BTNL8: variants seen among roughly 807,000 people sequenced by gnomAD.
BTNL8 encodes the protein butyrophilin-like protein 8.
A neutral mutation model predicts 36.1 loss-of-function variants in BTNL8; 22 were observed. The ratio of observed to expected loss-of-function variants is 0.61; its 90% CI spans 0.44 to 0.87. BTNL8 has a LOEUF of 0.87. Among genes scored for constraint, BTNL8 ranks in the 40% least tolerant of loss-of-function variants. The probability of loss-of-function intolerance (pLI) is 0.00; values close to 1 mark genes in which losing one functional copy is unlikely to be tolerated. For synonymous variants in BTNL8, 203 were observed against 235.6 expected (o/e 0.86, Z 1.27); for missense variants, 526 against 616.9 (o/e 0.85, Z 1.56).
rs1331336290 is a variant in BTNL8, at chr5:180,948,893, TTTTTTGTTTTTG to T, written c.809-15_809-4del. 1.4e-6 allele frequency: 1 copy of T among 721,524 alleles called. No homozygotes were observed. The highest frequency in any genetic ancestry group is 2.2e-6 in the Non-Finnish European group (1 of 463,774). The allele number at this position is 721,524 out of a possible 1,614,324, so 44.7% of individuals were successfully genotyped here. On this transcript the variant is annotated splice_polypyrimidine_tract_variant and intron_variant, in intron 5 of 7. Transcript: ENST00000340184. ...CTCTGTGACGTCAGCCTCTTACATG[TTTTTTGTTTTTG>T]TTTTTGTTTTTCAGACTGGAGAAGA...
chr5:180,914,288 G>A (rs1312969678), intron 3 of BTNL8, among the ~76,000 whole-genome samples: 1 of 152,156 alleles, frequency 6.6e-6, no homozygotes, highest in African/African-American at 2.4e-5. Context: ...ATCGCCTTCA[G>A]GGGACACAGC....
intron 3 of BTNL8, among the ~76,000 whole-genome samples, chr5:180,938,607 G>A (rs553364122): frequency 1.3e-5 from 2 of 149,996 alleles, no homozygotes; most frequent in African/African-American, 2.5e-5. Flanking sequence ...GCACGATTTC[G>A]GCTCACTGCA....
intron 3 of BTNL8, among the ~76,000 whole-genome samples, chr5:180,914,389 T>C (rs1757532069): frequency 6.6e-6 from 1 of 152,208 alleles, no homozygotes; most frequent in African/African-American, 2.4e-5. Context: ...TCCAGAACTA[T>C]GAGAAATACA....
intron 3 of BTNL8, among the ~76,000 whole-genome samples, chr5:180,933,659 T>C (rs1043417739): frequency 2.0e-5 from 3 of 152,084 alleles, no homozygotes; most frequent in African/African-American, 7.2e-5. Context: ...GAGGGAAATT[T>C]ATAGCAATAG....
At chr5:180,928,687 TAAAC>T (rs978555552) in intron 3 of BTNL8, among the ~76,000 whole-genome samples, 4 of 152,248 alleles carry the variant, frequency 2.6e-5, no homozygotes, top group South Asian at 4.1e-4. Context: ...AAACAGACTT[TAAAC>T]AAACAAAGAT....
intron 1 of BTNL8, among the ~76,000 whole-genome samples, chr5:180,902,187 GTTT>G (rs34352831): frequency 6.6e-6 from 1 of 150,700 alleles, no homozygotes; most frequent in Non-Finnish European, 1.5e-5. Context: ...GGATGTTTGG[GTTT>G]TTTTTTTAAT....
chr5:180,948,080 G>A (rs962001716), intron 4 of BTNL8: 10 of 607,316 alleles, frequency 1.6e-5, no homozygotes, highest in Middle Eastern at 4.6e-4. Flanking sequence ...GGCCACCCCC[G>A]CCTCCCCTCC....
At chr5:180,949,768 G>A in intron 7 of BTNL8, 136 bp from the exon 8 acceptor site, 1 of 1,104,656 alleles carries the variant, frequency 9.1e-7, no homozygotes, top group South Asian at 1.4e-5. Context: ...GAAAGGCAGT[G>A]TCTGCGGGAG....
rs1379475555 is a variant in BTNL8, at chr5:180,949,080, G to A, written c.835+134G>A. 8 of 1,178,830 alleles carry A rather than the reference G, an allele frequency of 6.8e-6. 1 individual carries two copies. The highest frequency in any genetic ancestry group is 9.5e-6 in the Non-Finnish European group (8 of 842,540). The allele number at this position is 1,178,830 out of a possible 1,614,324, so 73.0% of individuals were successfully genotyped here. ...TGGGAACTCTGAAATTGCAGATTCTGGGGGAGGTGCATTTTGTAGAGAAGC... is the reference window on the plus strand; with the variant it reads ...TGGGAACTCTGAAATTGCAGATTCTAGGGGAGGTGCATTTTGTAGAGAAGC... On this transcript the variant is annotated intron_variant, in intron 6 of 7. Transcript: ENST00000340184.
rs777625541 is a variant in BTNL8, at chr5:180,950,580, T to C, written c.*36T>C. 12 of 1,450,300 alleles carry C rather than the reference T, an allele frequency of 8.3e-6. 1 individual carries two copies. The highest frequency in any genetic ancestry group is 9.5e-6 in the Non-Finnish European group (10 of 1,054,276). The allele number at this position is 1,450,300 out of a possible 1,614,324, so 89.8% of individuals were successfully genotyped here. A position where few individuals can be genotyped will look rare whatever the true frequency, so the allele number is the denominator to read the frequency against. ...ATCCCACATTCTTCTTTAGGGATAT[T>C]AAGGTCTCTCTCCCAGATCCAAAGT... is the stretch of plus-strand genomic sequence containing the variant. On this transcript the variant is annotated 3_prime_UTR_variant, in exon 8 of 8. Coordinates refer to ENST00000340184, the MANE Select transcript of BTNL8 (RefSeq NM_001040462.3).
chr5:180,932,527 T>G (rs1758442378), intron 3 of BTNL8, among the ~76,000 whole-genome samples: 1 of 152,064 alleles, frequency 6.6e-6, no homozygotes, highest in African/African-American at 2.4e-5. Flanking sequence ...TTTTTTGTAT[T>G]TTTAGTAGAG....
rs1475924619 is a variant in BTNL8, at chr5:180,911,402, G to C, written c.461G>C (p.Cys154Ser). Residue 154 changes from cysteine to serine, a missense_variant, in exon 3 of 8, where the codon TGT (cysteine) becomes TCT (serine). Around this residue, in one of 2 missense-constraint regions of BTNL8, gnomAD observed 350 missense variants for 324.6 expected, o/e 1.08. Coordinates refer to ENST00000340184, the MANE Select transcript of BTNL8 (RefSeq NM_001040462.3). ...GTTGATAGAGACATCCAGCTACTCT[G>C]TCAGTCCTCGGGCTGGTTCCCCCGG... ...GYVDRDIQLL[C>S]QSSGWFPRPT... The C allele has an allele frequency of 6.2e-7, 1 of 1,614,210 alleles. No individual in the cohort carries two copies. Among genetic ancestry groups the C allele is most frequent in the Non-Finnish European group, 8.5e-7 (1 of 1,180,038 alleles).
intron 3 of BTNL8, among the ~76,000 whole-genome samples, chr5:180,933,189 T>G (rs946270086): frequency 1.3e-5 from 2 of 152,162 alleles, no homozygotes; most frequent in African/African-American, 4.8e-5. Flanking sequence ...TAAGGAGAGA[T>G]AAACTGCAAC....
intron 4 of BTNL8, 41 bp downstream of exon 4, chr5:180,947,666 G>C (rs746228253): frequency 6.2e-7 from 1 of 1,614,194 alleles, no homozygotes; most frequent in Non-Finnish European, 8.5e-7. Flanking sequence ...CCTTATTCAT[G>C]GTTCCAGCAG....
intron 1 of BTNL8, among the ~76,000 whole-genome samples, chr5:180,901,799 G>A (rs1756831694): frequency 6.6e-6 from 1 of 152,150 alleles, no homozygotes. Flanking sequence ...ACCTTTCAGT[G>A]CTAAAATAAA....
At position 180,949,827 on chromosome 5, in the gene BTNL8, G is replaced by A; in HGVS notation, c.863-77G>A. The A allele has an allele frequency of 7.2e-6, 10 of 1,397,592 alleles. 2 individuals are homozygous for A. The highest frequency in any genetic ancestry group is 9.8e-6 in the Non-Finnish European group (10 of 1,019,668). The allele number at this position is 1,397,592 out of a possible 1,614,324, so 86.6% of individuals were successfully genotyped here. On this transcript the variant is annotated intron_variant, in intron 7 of 7. Coordinates refer to ENST00000340184, the MANE Select transcript of BTNL8 (RefSeq NM_001040462.3). ...TGCCACCCAGAGCCAGTCTGCAGTG[G>A]GAGGGTCGACCTCTTGCTCCAGCCC...
At position 180,945,736 on chromosome 5, in the gene BTNL8, G is replaced by C. The variant is rs573250741; in HGVS notation, c.674-1776G>C. On this transcript the variant is annotated intron_variant, in intron 3 of 7. Coordinates refer to ENST00000340184, the MANE Select transcript of BTNL8 (RefSeq NM_001040462.3). ...TGCGCTAACTCTCTTCTTTCACCTA[G>C]TTGCACTCCTGAGAGCAAGATGGGT... 6.3e-6 allele frequency: 3 copies of C among 472,520 alleles called. No individual in the cohort carries two copies. The East Asian group carries it at 1.7e-4, about 27-fold the overall frequency. The allele number at this position is 472,520 out of a possible 1,614,324, so 29.3% of individuals were successfully genotyped here.
chr5:180,938,842 A>G (rs1758790343), intron 3 of BTNL8, among the ~76,000 whole-genome samples: 1 of 152,158 alleles, frequency 6.6e-6, no homozygotes, highest in African/African-American at 2.4e-5. Context: ...AAAGCCAACT[A>G]AGACATGATG....
At chr5:180,913,101 A>G (rs904190964) in intron 3 of BTNL8, among the ~76,000 whole-genome samples, 3 of 152,172 alleles carry the variant, frequency 2.0e-5, no homozygotes, top group Admixed American at 1.3e-4. Flanking sequence ...GTATCTGTCA[A>G]TGTGAGGGGG....
Sources: allele counts gnomAD v4.1 joint callset (sites outside exome capture counted in the v4.1 genomes callset), GRCh38; gene constraint gnomAD v4.1.1; regional missense constraint gnomAD v4.1.1; transcripts MANE v1.5; gene names NCBI Gene and HGNC (gene_info 2026-07-23, HGNC 2026-07-21).